Variants in SNX31 observed in about 807,000 individuals in gnomAD.
The protein encoded by SNX31 is sorting nexin-31.
A neutral mutation model predicts 65.4 loss-of-function variants in SNX31; 58 were observed. The observed-to-expected ratio is 0.89, with a 90% CI of 0.72 to 1.10. The LOEUF (loss-of-function observed/expected upper bound fraction) is 1.10. SNX31 is among the 50% of genes least tolerant of loss of function. The probability of loss-of-function intolerance (pLI) is 0.00; values close to 1 mark genes in which losing one functional copy is unlikely to be tolerated. For synonymous variants in SNX31, 181 were observed against 190.1 expected, an observed-to-expected ratio of 0.95 and a Z score of 0.39; for missense variants, 523 against 529.7, an observed-to-expected ratio of 0.99 and a Z score of 0.12.
At chr8:100,600,527 A>G in intron 8 of SNX31, 86 bp from the exon 9 acceptor site, 1 of 1,050,586 alleles carries the variant, frequency 9.5e-7, no homozygotes, top group Non-Finnish European at 1.4e-6. Context: ...GAAGGGATAT[A>G]AAAACAAACC....
At chr8:100,605,639 G>A (rs1816081797) in intron 8 of SNX31, among the ~76,000 whole-genome samples, 1 of 152,170 alleles carries the variant, frequency 6.6e-6, no homozygotes, top group South Asian at 2.1e-4. Flanking sequence ...CCAGAGAGAG[G>A]ATCAGTGTCA....
Position 100,627,065 on chromosome 8 carries a change from C to T in SNX31, c.321+3262G>A, listed in dbSNP as rs533777954. Among the ~76,000 whole-genome samples, 24 of 152,180 alleles carry T rather than the reference C, an allele frequency of 1.6e-4. No individual in the cohort carries two copies. In the East Asian group the frequency reaches 4.4e-3, roughly 28 times the overall value. On this transcript the variant is annotated intron_variant, in intron 4 of 13. Transcript: ENST00000311812. ...CAAATTATCAGGAAAATAAGATACA[C>T]AAAACTGGCTGGGCGCAGTGGCTCA...
At chr8:100,636,229 C>T (rs1043669852) in intron 2 of SNX31, among the ~76,000 whole-genome samples, 6 of 152,142 alleles carry the variant, frequency 3.9e-5, no homozygotes, top group Non-Finnish European at 7.3e-5. Flanking sequence ...TATCACAGAC[C>T]GACAGCTCCA....
intron 2 of SNX31, among the ~76,000 whole-genome samples, chr8:100,643,426 G>A (rs753602192): frequency 2.0e-5 from 3 of 152,020 alleles, no homozygotes; most frequent in South Asian, 4.2e-4. Context: ...TTCTAATGTC[G>A]ACTCATTCTT....
chr8:100,633,223 C>G (rs905437734), intron 3 of SNX31, among the ~76,000 whole-genome samples: 1 of 151,776 alleles, frequency 6.6e-6, no homozygotes, highest in Non-Finnish European at 1.5e-5. Flanking sequence ...GCTACCATGC[C>G]GAGCCTAATT....
intron 3 of SNX31, among the ~76,000 whole-genome samples, chr8:100,631,892 A>C (rs929891918): frequency 1.2e-4 from 19 of 152,200 alleles, no homozygotes; most frequent in African/African-American, 4.6e-4. Context: ...AAAGCTGCTG[A>C]AAAAGGTATT....
chr8:100,633,403 T>C (rs77388812), intron 3 of SNX31, among the ~76,000 whole-genome samples: 2 of 152,124 alleles, frequency 1.3e-5, no homozygotes, highest in South Asian at 4.1e-4. Flanking sequence ...AGTATTTTAT[T>C]TATTTATTTA....
chr8:100,604,105 T>A lies in SNX31; in HGVS notation c.682-3664A>T, dbSNP rs1416736619. Among the ~76,000 whole-genome samples, 1 of 152,134 alleles carries A rather than the reference T, an allele frequency of 6.6e-6. No individual in the cohort carries two copies. Among genetic ancestry groups the A allele is most frequent in the Non-Finnish European group, 1.5e-5 (1 of 68,010 alleles). ...TCACAAGTCATCAACTCAAATGTGA[T>A]ATTATACAGTGCCTCACTCTGAGTA... is the stretch of plus-strand genomic sequence containing the variant. On this transcript the variant is annotated intron_variant, in intron 8 of 13. Coordinates refer to ENST00000311812, the MANE Select transcript of SNX31 (RefSeq NM_152628.4). This position sits in a 1 kb window ranked among gnomAD's most constrained non-coding sequence, Gnocchi z 4.3.
At chr8:100,650,916 G>A (rs188214798), upstream of SNX31, among the ~76,000 whole-genome samples, 348 of 150,540 alleles carry the variant, frequency 2.3e-3, 1 homozygote, top group Non-Finnish European at 2.3e-3. Context: ...GCAATGGTGC[G>A]ATCTCAGCTC....
chr8:100,638,961 T>A (rs1818964541), intron 2 of SNX31, among the ~76,000 whole-genome samples: 1 of 152,220 alleles, frequency 6.6e-6, no homozygotes, highest in African/African-American at 2.4e-5. Context: ...AAAAGCTATA[T>A]ACTATATGAT....
At chr8:100,582,861 T>C (rs888189455) in intron 12 of SNX31, among the ~76,000 whole-genome samples, 18 of 150,578 alleles carry the variant, frequency 1.2e-4, no homozygotes. Context: ...CAGGGACCTG[T>C]AGCCCCAGCT....
chr8:100,641,544 T>TAA (rs1819179703), intron 2 of SNX31, among the ~76,000 whole-genome samples: 1 of 10,826 alleles, frequency 9.2e-5, no homozygotes, highest in Non-Finnish European at 1.6e-4. Flanking sequence ...AGACCTTGTC[T>TAA]CAAAAAAAAA....
intron 5 of SNX31, among the ~76,000 whole-genome samples, chr8:100,616,629 C>A (rs774343966): frequency 6.6e-6 from 1 of 152,130 alleles, no homozygotes; most frequent in Admixed American, 6.5e-5. Context: ...AGTTTAGGGG[C>A]AGCTGTAGAG....
At chr8:100,607,592 C>T (rs2130991585) in intron 8 of SNX31, among the ~76,000 whole-genome samples, 1 of 152,256 alleles carries the variant, frequency 6.6e-6, no homozygotes, top group African/African-American at 2.4e-5. Flanking sequence ...CTAGTATTTG[C>T]TAGCACAACA....
chr8:100,607,304 G>C (rs886944262), intron 8 of SNX31, among the ~76,000 whole-genome samples: 1 of 152,208 alleles, frequency 6.6e-6, no homozygotes, highest in African/African-American at 2.4e-5. Flanking sequence ...CGAAGATGGC[G>C]GTGTGGTGAG....
At chr8:100,590,114 A>G (rs935438391) in intron 10 of SNX31, among the ~76,000 whole-genome samples, 2 of 152,218 alleles carry the variant, frequency 1.3e-5, no homozygotes, top group African/African-American at 4.8e-5. Flanking sequence ...CCCATTTTCC[A>G]CTAGAGTCCA....
chr8:100,633,107 T>G (rs1818518696), intron 3 of SNX31, among the ~76,000 whole-genome samples: 1 of 151,072 alleles, frequency 6.6e-6, no homozygotes, highest in African/African-American at 2.4e-5. Flanking sequence ...TTTTTATTTT[T>G]GGGTACAGAT....
rs2131177736 is a variant in SNX31, at chr8:100,630,044, T to A, written c.321+283A>T. 6.6e-6 allele frequency among the ~76,000 whole-genome samples: 1 copy of A among 152,326 alleles called. No homozygotes were observed. Among genetic ancestry groups the A allele is most frequent in the Admixed American group, 6.5e-5 (1 of 15,308 alleles). ...GTACTTGAAGGTCCTCTTCTTCATGTCCTGTTTTGAGATGTATGATTCTTA... is the reference window on the plus strand; with the variant it reads ...GTACTTGAAGGTCCTCTTCTTCATGACCTGTTTTGAGATGTATGATTCTTA... On this transcript the variant is annotated intron_variant, in intron 4 of 13. Coordinates refer to ENST00000311812, the MANE Select transcript of SNX31 (RefSeq NM_152628.4). This position sits in a 1 kb window ranked among gnomAD's most constrained non-coding sequence, Gnocchi z 5.3.
At position 100,576,945 on chromosome 8, in the gene SNX31, C is replaced by G. The variant is rs1011722056; in HGVS notation, c.1227+74G>C. 3 of 1,241,952 alleles carry G rather than the reference C, an allele frequency of 2.4e-6. No homozygotes were observed. Among genetic ancestry groups the G allele is most frequent in the Non-Finnish European group, 2.3e-6 (2 of 864,734 alleles). The allele number at this position is 1,241,952 out of a possible 1,614,324, so 76.9% of individuals were successfully genotyped here. A position where few individuals can be genotyped will look rare whatever the true frequency, so the allele number is the denominator to read the frequency against. Reference sequence around the variant, plus strand: ...TGACTTATTATTGAAAGTGAGATGACTTTGGTTAAAGAGGAAAAAAGATCA... The same window carrying G: ...TGACTTATTATTGAAAGTGAGATGAGTTTGGTTAAAGAGGAAAAAAGATCA... On this transcript the variant is annotated intron_variant, in intron 13 of 13. Coordinates refer to ENST00000311812, the MANE Select transcript of SNX31 (RefSeq NM_152628.4). This position sits in a 1 kb window ranked among gnomAD's most constrained non-coding sequence, Gnocchi z 4.8.
Sources: allele counts gnomAD v4.1 joint callset (sites outside exome capture counted in the v4.1 genomes callset), GRCh38; gene constraint gnomAD v4.1.1; non-coding constraint Gnocchi (gnomAD v3.1); transcripts MANE v1.5; gene names NCBI Gene and HGNC (gene_info 2026-07-23, HGNC 2026-07-21).